The following HELLS variants were observed in gnomAD, a reference collection of about 807,000 sequenced individuals.
HELLS encodes lymphoid-specific helicase.
Under a neutral mutation model 120.0 loss-of-function variants are expected in HELLS, and 32 were observed. The ratio of observed to expected loss-of-function variants is 0.27; its 90% CI spans 0.20 to 0.36. HELLS has a LOEUF of 0.36. HELLS is among the 10% of genes least tolerant of loss of function. The pLI is 1.00. For missense variants in HELLS, 650 were observed against 993.4 expected (o/e 0.65, Z 4.65); for synonymous variants, 341 against 323.4 (o/e 1.05, Z -0.58).
intron 10 of HELLS, among the ~76,000 whole-genome samples, chr10:94,578,037 T>C (rs1223885237): frequency 7.8e-6 from 1 of 128,758 alleles, no homozygotes. Context: ...CAGTCCGCAG[T>C]CCGGCCTGGG....
At chr10:94,565,674 G>C (rs1192411913) in intron 6 of HELLS, among the ~76,000 whole-genome samples, 1 of 152,196 alleles carries the variant, frequency 6.6e-6, no homozygotes, top group Non-Finnish European at 1.5e-5. Context: ...TGGGCAACAA[G>C]AGTGAAATTC....
rs1844951369 is a variant in HELLS, at chr10:94,583,005, T to C, written c.1272T>C (p.Ala424=). The change falls in exon 12 of 22, where the codon GCT becomes GCC. Residue 424 remains alanine (A), a synonymous_variant. Coordinates refer to ENST00000348459, the MANE Select transcript of HELLS (RefSeq NM_018063.5). ...WFDITSLSET[A]EDIIAKEREQ... is the part of the protein sequence containing the mutation. ...ACATCACTAGTCTTTCTGAAACTGC[T>C]GAAGATATTATTGCTAAAGAAAGAG... 1 of 1,608,420 alleles carries C rather than the reference T, an allele frequency of 6.2e-7. No individual in the cohort carries two copies. The highest frequency in any genetic ancestry group is 8.5e-7 in the Non-Finnish European group (1 of 1,177,224).
At chr10:94,552,080 T>TA (rs1363930642) in intron 2 of HELLS, among the ~76,000 whole-genome samples, 1 of 152,090 alleles carries the variant, frequency 6.6e-6, no homozygotes, top group African/African-American at 2.4e-5. Flanking sequence ...AATGCTCAAT[T>TA]ACTTTCCTCT....
rs1842717967 is a variant in HELLS at position 94,545,837 on chromosome 10, G to C, written c.-85G>C. 6.9e-7 allele frequency: 1 copy of C among 1,446,388 alleles called. No individual in the cohort carries two copies. 89.6% of individuals were successfully genotyped at this position (1,446,388 alleles called of 1,614,324 possible). ...TGGCGGGGGATTTGGCTAGAAGGCT[G>C]GGCCGGCAGCGGTTGTGAGGAGTTA... On this transcript the variant is annotated 5_prime_UTR_variant, in exon 1 of 22. Coordinates refer to ENST00000348459, the MANE Select transcript of HELLS (RefSeq NM_018063.5).
chr10:94,612,756 T>C (rs1846206412), exon 10 of HELLS: 1 of 152,166 alleles, frequency 6.6e-6, no homozygotes, highest in Non-Finnish European at 1.5e-5. Context: ...TGAAACCCCG[T>C]CTCCACTAAA....
At chr10:94,571,059 G>A (rs921298450) in intron 6 of HELLS, 2 of 195,748 alleles carry the variant, frequency 1.0e-5, no homozygotes, top group East Asian at 1.6e-4. Context: ...TCTACAGGCT[G>A]TAGTTTGCTG....
rs777180294 is a variant in HELLS, at chr10:94,592,263, T to A, written c.1802T>A (p.Phe601Tyr). The change falls in exon 16 of 22, where the codon TTC (phenylalanine) becomes TAC (tyrosine). Residue 601 changes from phenylalanine (F) to tyrosine (Y), a missense_variant. Transcript: ENST00000348459. ...DEELVTNSGK[F>Y]LILDRMLPEL... is the part of the protein sequence containing the mutation. ...GAATTGGTAACAAATTCTGGGAAGT[T>A]CTTGATTTTGGATCGAATGCTGCCA... 1.2e-6 allele frequency: 2 copies of A among 1,612,620 alleles called. No homozygotes were observed. Among genetic ancestry groups the A allele is most frequent in the Non-Finnish European group, 1.7e-6 (2 of 1,179,354 alleles).
In HELLS at chr10:94,573,918, C is replaced by T. The variant is rs375123221; in HGVS notation, c.478-42C>T. ...TCTGATAAATGGTGGCATACAGCAGCATTTTGTATAACACATCTTATTAAA... is the reference window on the plus strand; with the variant it reads ...TCTGATAAATGGTGGCATACAGCAGTATTTTGTATAACACATCTTATTAAA... On this transcript the variant is annotated intron_variant, in intron 7 of 21. Coordinates refer to ENST00000348459, the MANE Select transcript of HELLS (RefSeq NM_018063.5). 9.8e-6 allele frequency: 11 copies of T among 1,117,778 alleles called. 1 individual carries two copies. The African/African-American group carries it at 1.1e-4, about 11-fold the overall frequency. The allele number at this position is 1,117,778 out of a possible 1,614,324, so 69.2% of individuals were successfully genotyped here.
Position 94,590,540 on chromosome 10 carries a change from T to C in HELLS, c.1616T>C (p.Val539Ala), listed in dbSNP as rs903350276. ...EKLISQIQPE[V>A]DRERAVVEVN... ...CTGATCAGTCAAATACAGCCAGAGG[T>C]GGACCGAGAAAGGTTTGAATTCAAA... Residue 539 changes from valine (V) to alanine (A), a missense_variant, in exon 14 of 22, where the codon GTG (valine) becomes GCG (alanine). Around this residue, in one of 9 missense-constraint regions of HELLS, gnomAD observed 191 missense variants for 259.7 expected, o/e 0.74. Coordinates refer to ENST00000348459, the MANE Select transcript of HELLS (RefSeq NM_018063.5). The C allele has an allele frequency of 3.0e-5, 48 of 1,611,170 alleles. No homozygotes were observed. The highest frequency in any genetic ancestry group is 3.9e-5 in the Non-Finnish European group (46 of 1,179,408).
intron 6 of HELLS, among the ~76,000 whole-genome samples, chr10:94,567,197 C>T (rs1843846166): frequency 6.6e-6 from 1 of 152,180 alleles, no homozygotes; most frequent in South Asian, 2.1e-4. Flanking sequence ...TCCTTCCTCA[C>T]TGGGTCTTTG....
In HELLS at chr10:94,592,519, G is replaced by C; in HGVS notation, c.1971+5G>C. On this transcript the variant is annotated splice_donor_5th_base_variant and intron_variant, in intron 17 of 21. Coordinates refer to ENST00000348459, the MANE Select transcript of HELLS (RefSeq NM_018063.5). Reference sequence around the variant, plus strand: ...TACTCAGAGAGAGAAAAAAACGTAAGACTACTTATGTCATACATACCAAAC... The same window carrying C: ...TACTCAGAGAGAGAAAAAAACGTAACACTACTTATGTCATACATACCAAAC... 1 of 1,440,814 alleles carries C rather than the reference G, an allele frequency of 6.9e-7. No individual in the cohort carries two copies. The allele number at this position is 1,440,814 out of a possible 1,614,324, so 89.3% of individuals were successfully genotyped here.
chr10:94,612,538 T>C (rs1846203183), exon 10 of HELLS: 1 of 152,206 alleles, frequency 6.6e-6, no homozygotes, highest in Admixed American at 6.5e-5. Context: ...GAATGTGTGC[T>C]TGTATATTCC....
chr10:94,610,575 T>C (rs1360632581), exon 10 of HELLS: 2 of 149,246 alleles, frequency 1.3e-5, no homozygotes, highest in African/African-American at 4.9e-5. Context: ...CAAAGGAACA[T>C]TGATCAGATA....
Position 94,546,473 on chromosome 10 carries a change from A to G in HELLS, c.128A>G (p.Glu43Gly). 1 of 1,614,118 alleles carries G rather than the reference A, an allele frequency of 6.2e-7. No homozygotes were observed. The change falls in exon 2 of 22, where the codon GAG becomes GGG. Residue 43 changes from glutamate (E) to glycine (G), a missense_variant. Physicochemically the swap from Glu to Gly is moderately conservative, Grantham distance 98. Coordinates refer to ENST00000348459, the MANE Select transcript of HELLS (RefSeq NM_018063.5). ...EEEQLEAAGLERERKMLEKAR... is the reference protein window; with the variant it reads ...EEEQLEAAGLGRERKMLEKAR... ...GAACAGCTTGAAGCTGCTGGACTAG[A>G]GAGAGAGCGGAAGATGCTGGAAAAG...
exon 10 of HELLS, chr10:94,611,259 G>A (rs776514055): frequency 9.9e-5 from 15 of 152,110 alleles, no homozygotes; most frequent in Non-Finnish European, 1.6e-4. Context: ...CAAGGATGTG[G>A]GGTTTAAATG....
chr10:94,594,059 G>A (rs978415921), intron 18 of HELLS, among the ~76,000 whole-genome samples: 6 of 149,588 alleles, frequency 4.0e-5, no homozygotes, highest in African/African-American at 7.4e-5. Context: ...ATGAGCCACC[G>A]CGCCCGGCCA....
At chr10:94,556,891 A>C (rs955512612) in intron 3 of HELLS, among the ~76,000 whole-genome samples, 2 of 152,140 alleles carry the variant, frequency 1.3e-5, no homozygotes, top group Non-Finnish European at 2.9e-5. Flanking sequence ...AAGCAATTTG[A>C]CTGCCTCCCT....
intron 6 of HELLS, among the ~76,000 whole-genome samples, chr10:94,569,040 A>G (rs1445997844): frequency 1.3e-5 from 2 of 151,970 alleles, no homozygotes; most frequent in Non-Finnish European, 2.9e-5. Flanking sequence ...GGGTTTCTCC[A>G]TGTTGGTCAG....
At chr10:94,606,184 A>C (rs1362170632), downstream of HELLS, among the ~76,000 whole-genome samples, 2 of 150,770 alleles carry the variant, frequency 1.3e-5, no homozygotes, top group Admixed American at 1.3e-4. Context: ...GACTACACTC[A>C]TGTGACACCA....
Sources: gnomAD v4.1 joint callset for allele counts (sites outside exome capture counted in the v4.1 genomes callset) on GRCh38, gnomAD v4.1.1 for gene constraint, gnomAD v4.1.1 regional missense constraint, MANE v1.5 for transcripts, NCBI Gene and HGNC (gene_info 2026-07-23, HGNC 2026-07-21) for gene names.